DNAJC1: variants seen among roughly 807,000 people sequenced by gnomAD.
DNAJC1 encodes the protein DnaJ heat shock protein family (Hsp40) member C1, also known as dnaJ homolog subfamily C member 1.
A neutral mutation model predicts 76.6 loss-of-function variants in DNAJC1; 58 were observed. That is an observed-to-expected ratio of 0.76 (90% CI 0.61 to 0.94). The LOEUF is 0.94. Among genes scored for constraint, DNAJC1 ranks in the 40% least tolerant of loss-of-function variants. The pLI is 0.00. For missense variants in DNAJC1, 689 were observed against 677.3 expected (o/e 1.02, Z -0.19); for synonymous variants, 258 against 267.9 (o/e 0.96, Z 0.36).
intron 8 of DNAJC1, among the ~76,000 whole-genome samples, chr10:21,812,212 C>T (rs1243864390): frequency 1.3e-5 from 2 of 152,070 alleles, no homozygotes; most frequent in African/African-American, 2.4e-5. Context: ...GTGCCCGCCA[C>T]CACGCCCAGC....
intron 8 of DNAJC1, among the ~76,000 whole-genome samples, chr10:21,817,434 CTCA>C (rs1835094032): frequency 6.6e-6 from 1 of 151,664 alleles, no homozygotes; most frequent in Non-Finnish European, 1.5e-5. Flanking sequence ...TTTTTTTCCC[CTCA>C]TTTTTTATTT....
intron 9 of DNAJC1, among the ~76,000 whole-genome samples, chr10:21,781,757 C>T (rs1242061131): frequency 6.6e-6 from 1 of 150,530 alleles, no homozygotes; most frequent in Non-Finnish European, 1.5e-5. Flanking sequence ...CTCAAAACCG[C>T]TCAACTACAT....
At chr10:21,837,669 G>A (rs1373159605) in intron 8 of DNAJC1, among the ~76,000 whole-genome samples, 17 of 149,048 alleles carry the variant, frequency 1.1e-4, no homozygotes, top group African/African-American at 5.0e-5. Context: ...GAGCCCCTCC[G>A]CCCGGCAGCC....
At chr10:21,756,890 C>T (rs1394860477) in intron 11 of DNAJC1, 135 bp from the exon 12 acceptor site, 1 of 753,096 alleles carries the variant, frequency 1.3e-6, no homozygotes, top group African/African-American at 1.8e-5. Flanking sequence ...CCGGGATGTC[C>T]TGGAGTCCAG....
At chr10:21,775,398 T>C (rs932074536) in intron 9 of DNAJC1, among the ~76,000 whole-genome samples, 37 of 141,268 alleles carry the variant, frequency 2.6e-4, no homozygotes, top group Admixed American at 1.0e-3. Flanking sequence ...GGAAGAGCCA[T>C]ATCCATGGCA....
At chr10:21,778,586 C>T (rs1312277430) in intron 9 of DNAJC1, among the ~76,000 whole-genome samples, 1 of 152,178 alleles carries the variant, frequency 6.6e-6, no homozygotes, top group Non-Finnish European at 1.5e-5. Flanking sequence ...TTAATTAGAA[C>T]TGTACTTACA....
At chr10:21,908,700 A>C (rs774148954) in intron 6 of DNAJC1, among the ~76,000 whole-genome samples, 3 of 152,070 alleles carry the variant, frequency 2.0e-5, no homozygotes, top group Non-Finnish European at 4.4e-5. Context: ...ATGAATAATT[A>C]AATGCTTACT....
chr10:21,790,934 TAAAA>T (rs1354522176), intron 9 of DNAJC1, among the ~76,000 whole-genome samples: 1 of 151,886 alleles, frequency 6.6e-6, no homozygotes. Flanking sequence ...ACTGGCAAAA[TAAAA>T]TTTTTAAAAA....
chr10:21,799,732 C>G (rs1410866995), intron 9 of DNAJC1, among the ~76,000 whole-genome samples: 1 of 152,156 alleles, frequency 6.6e-6, no homozygotes, highest in Non-Finnish European at 1.5e-5. Context: ...TTCACCATTT[C>G]TTGGATCCCA....
intron 8 of DNAJC1, among the ~76,000 whole-genome samples, chr10:21,838,437 G>A (rs1386804985): frequency 1.3e-5 from 2 of 152,080 alleles, no homozygotes; most frequent in African/African-American, 4.8e-5. Context: ...TGCTCCTTAA[G>A]AGTCATCACC....
At chr10:21,920,257 C>T (rs1056938264) in intron 4 of DNAJC1, among the ~76,000 whole-genome samples, 2 of 151,902 alleles carry the variant, frequency 1.3e-5, no homozygotes, top group Admixed American at 6.6e-5. Context: ...TAAACAGATG[C>T]TAATTCATGA....
intron 8 of DNAJC1, among the ~76,000 whole-genome samples, chr10:21,813,026 TACAC>T (rs149245778): frequency 0.021 from 2,748 of 132,200 alleles, 48 homozygotes; most frequent in Middle Eastern, 0.048. Context: ...TACACACACA[TACAC>T]ACACACACAC....
intron 8 of DNAJC1, among the ~76,000 whole-genome samples, chr10:21,820,552 C>A (rs1835141301): frequency 1.3e-5 from 2 of 152,192 alleles, no homozygotes; most frequent in South Asian, 4.1e-4. Context: ...AGCAAGCAAG[C>A]AATCAATTCT....
At chr10:21,804,074 AAGT>A in intron 9 of DNAJC1, 7 of 484,354 alleles carry the variant, frequency 1.4e-5, no homozygotes, top group East Asian at 1.5e-4. Flanking sequence ...CTAGTAAATT[AAGT>A]ATATACTAGG....
intron 9 of DNAJC1, chr10:21,804,024 A>G (rs574233429): frequency 1.1e-6 from 1 of 932,884 alleles, no homozygotes; most frequent in African/African-American, 1.8e-5. Flanking sequence ...ATGAATTTGC[A>G]AAAGTTTAAA....
intron 8 of DNAJC1, among the ~76,000 whole-genome samples, chr10:21,862,596 T>G (rs1835933187): frequency 6.6e-6 from 1 of 151,662 alleles, no homozygotes; most frequent in Admixed American, 6.6e-5. Context: ...GCCTGGCTAA[T>G]TTTTGTATTT....
intron 1 of DNAJC1, among the ~76,000 whole-genome samples, chr10:21,960,321 A>C (rs1343137504): frequency 6.6e-6 from 1 of 152,220 alleles, no homozygotes; most frequent in Non-Finnish European, 1.5e-5. Flanking sequence ...AAAATAGTAC[A>C]CCATTTAAAA....
chr10:21,911,193 T>A (rs997546763), intron 6 of DNAJC1, among the ~76,000 whole-genome samples: 5 of 151,908 alleles, frequency 3.3e-5, no homozygotes, highest in African/African-American at 1.2e-4. Context: ...GGAAGAGCTA[T>A]GAGGAAGGAT....
At chr10:21,926,562 C>CT (rs1017623345) in intron 3 of DNAJC1, among the ~76,000 whole-genome samples, 1 of 151,838 alleles carries the variant, frequency 6.6e-6, no homozygotes, top group Non-Finnish European at 1.5e-5. Flanking sequence ...TGACTGTGCT[C>CT]TTTTTTTTCC....
Sources: gnomAD v4.1 joint callset for allele counts (sites outside exome capture counted in the v4.1 genomes callset) on GRCh38, gnomAD v4.1.1 for gene constraint, MANE v1.5 for transcripts, NCBI Gene and HGNC (gene_info 2026-07-23, HGNC 2026-07-21) for gene names.